The following EHMT1 variants were observed in gnomAD, a reference collection of about 807,000 sequenced individuals.
The protein encoded by EHMT1 is histone-lysine N-methyltransferase EHMT1.
In EHMT1, 15 loss-of-function variants were observed where a neutral mutation model predicts 147.2. The observed-to-expected ratio is 0.10, with a 90% confidence interval of 0.07 to 0.16. The LOEUF (loss-of-function observed/expected upper bound fraction) is 0.16, where lower values mean the gene tolerates loss of function less well. Ranked by LOEUF, EHMT1 falls within the 10% of genes least tolerant of loss-of-function variation. The probability of loss-of-function intolerance (pLI) is 1.00; values close to 1 mark genes in which losing one functional copy is unlikely to be tolerated. For synonymous variants in EHMT1, 795 were observed against 709.6 expected, an observed-to-expected ratio of 1.12 and a Z score of -1.91; for missense variants, 1,587 against 1,772.4, an observed-to-expected ratio of 0.90 and a Z score of 1.88.
intron 3 of EHMT1, among the ~76,000 whole-genome samples, chr9:137,724,869 GGGCAGACGTGT>G (rs1946434678): frequency 6.7e-6 from 1 of 148,684 alleles, no homozygotes; most frequent in South Asian, 2.1e-4. Context: ...GGCATTCGTG[GGGCAGACGTGT>G]GGCATTCGTG....
chr9:137,704,485 T>C (rs566747474), intron 1 of EHMT1, among the ~76,000 whole-genome samples: 1 of 152,304 alleles, frequency 6.6e-6, no homozygotes, highest in South Asian at 2.1e-4. Flanking sequence ...TTTTTAATGG[T>C]ATTTAAGAAG....
intron 1 of EHMT1, among the ~76,000 whole-genome samples, chr9:137,636,858 A>C (rs187767408): frequency 6.6e-6 from 1 of 150,846 alleles, no homozygotes; most frequent in African/African-American, 2.4e-5. Flanking sequence ...ACCTCTTTTT[A>C]AAAAAAATTT....
rs1302317350 is a variant in EHMT1 at position 137,834,808 on chromosome 9, G to T, written c.3752G>T (p.Gly1251Val). ...GGAGAGCGCTTCTGGGACATCAAAGGCAAGCTCTTCAGCTGCCGCTGCGGC... is the reference window on the plus strand; with the variant it reads ...GGAGAGCGCTTCTGGGACATCAAAGTCAAGCTCTTCAGCTGCCGCTGCGGC... ...DYGERFWDIKGKLFSCRCGSP... is the reference protein window; with the variant it reads ...DYGERFWDIKVKLFSCRCGSP... Residue 1251 changes from glycine to valine, a missense_variant, in exon 27 of 27, where the codon GGC becomes GTC. Physicochemically the swap from Gly to Val is moderately radical, Grantham distance 109 (BLOSUM62 -3). Around this residue, in one of 7 missense-constraint regions of EHMT1, gnomAD observed 141 missense variants for 150.8 expected, o/e 0.94. Transcript: ENST00000460843. 5.0e-6 allele frequency: 8 copies of T among 1,612,780 alleles called. No homozygotes were observed. The African/African-American group carries it at 9.3e-5, about 19-fold the overall frequency.
rs544252405 is a variant in EHMT1 at position 137,797,149 on chromosome 9, G to T, written c.2506-1664G>T. Among the ~76,000 whole-genome samples, 100 of 152,270 alleles carry T rather than the reference G, an allele frequency of 6.6e-4. 1 individual carries two copies. Among genetic ancestry groups the T allele is most frequent in the African/African-American group, 2.3e-3 (97 of 41,552 alleles). ...CAGGAAAAGAAACCAGACAGGCGCT[G>T]TGTGGGGTGTCCCTTGGGTGGGGGT... On this transcript the variant is annotated intron_variant, in intron 16 of 26. Transcript: ENST00000460843.
intron 10 of EHMT1, among the ~76,000 whole-genome samples, chr9:137,767,629 A>AGAC (rs1950299872): frequency 6.6e-6 from 1 of 152,160 alleles, no homozygotes; most frequent in Non-Finnish European, 1.5e-5. Context: ...CCCGGCCAAC[A>AGAC]TGGGGAAATC....
intron 3 of EHMT1, among the ~76,000 whole-genome samples, chr9:137,720,872 C>G (rs895375848): frequency 6.6e-6 from 1 of 152,104 alleles, no homozygotes; most frequent in African/African-American, 2.4e-5. Context: ...GTCAAACACA[C>G]AGGAGCATAA....
At chr9:137,811,041 A>G (rs1459282739) in intron 18 of EHMT1, among the ~76,000 whole-genome samples, 1 of 152,066 alleles carries the variant, frequency 6.6e-6, no homozygotes, top group Non-Finnish European at 1.5e-5. Context: ...CCTTTTTTCA[A>G]ATCTTTCAAA....
intron 1 of EHMT1, among the ~76,000 whole-genome samples, chr9:137,695,191 G>T (rs1943300889): frequency 6.6e-6 from 1 of 152,232 alleles, no homozygotes; most frequent in Non-Finnish European, 1.5e-5. Flanking sequence ...TGTTTCTTCT[G>T]TAAGGAGCAC....
chr9:137,660,249 T>G (rs565789619), intron 1 of EHMT1, among the ~76,000 whole-genome samples: 5 of 151,924 alleles, frequency 3.3e-5, no homozygotes, highest in Admixed American at 6.6e-5. Context: ...GGAGGATGAC[T>G]TGAGCCTGGG....
chr9:137,631,544 G>A (rs1321871300), intron 1 of EHMT1, among the ~76,000 whole-genome samples: 1 of 152,056 alleles, frequency 6.6e-6, no homozygotes, highest in African/African-American at 2.4e-5. Context: ...GGACATTTTG[G>A]TCCGTGGCAG....
At chr9:137,631,264 C>T (rs949002106) in intron 1 of EHMT1, among the ~76,000 whole-genome samples, 3 of 151,790 alleles carry the variant, frequency 2.0e-5, no homozygotes, top group Non-Finnish European at 2.9e-5. Flanking sequence ...TGATGGCGGG[C>T]GCCTGTAATC....
At chr9:137,716,550 G>C in intron 2 of EHMT1, 76 bp from the exon 3 acceptor site, 1 of 1,414,302 alleles carries the variant, frequency 7.1e-7, no homozygotes, top group Non-Finnish European at 9.5e-7. Flanking sequence ...GTCATGGTGG[G>C]GGAGGAAGTG....
At chr9:137,667,611 G>A (rs566974147) in intron 1 of EHMT1, 1 of 152,246 alleles carries the variant, frequency 6.6e-6, no homozygotes, top group East Asian at 1.9e-4. Flanking sequence ...TTTAGAGATG[G>A]GGTGGTGGTG....
chr9:137,822,669 C>T (rs1158790208), intron 25 of EHMT1, among the ~76,000 whole-genome samples: 7 of 152,006 alleles, frequency 4.6e-5, no homozygotes, highest in South Asian at 2.1e-4. Flanking sequence ...CCGAGGCGGG[C>T]GGATCACGAG....
intron 15 of EHMT1, chr9:137,785,526 C>G (rs553745242): frequency 2.0e-5 from 3 of 151,768 alleles, no homozygotes; most frequent in African/African-American, 4.9e-5. Flanking sequence ...TCCTCCTGTG[C>G]CTGGAATTCC....
chr9:137,668,855 A>C (rs1940034949), intron 1 of EHMT1, among the ~76,000 whole-genome samples: 1 of 151,848 alleles, frequency 6.6e-6, no homozygotes, highest in South Asian at 2.1e-4. Flanking sequence ...TCATATGGTG[A>C]CTGTCTGTTT....
chr9:137,718,293 G>T (rs558008571), intron 3 of EHMT1, among the ~76,000 whole-genome samples: 1 of 152,368 alleles, frequency 6.6e-6, no homozygotes, highest in East Asian at 1.9e-4. Flanking sequence ...CACGATACAG[G>T]TTTTCAAAGT....
chr9:137,764,374 T>C (rs1950076982), intron 10 of EHMT1: 1 of 152,266 alleles, frequency 6.6e-6, no homozygotes, highest in African/African-American at 2.4e-5. Flanking sequence ...CGCTGCATGT[T>C]CTGCCACACT....
intron 3 of EHMT1, among the ~76,000 whole-genome samples, chr9:137,726,299 CA>C (rs1466079219): frequency 1.3e-5 from 2 of 152,222 alleles, no homozygotes; most frequent in Non-Finnish European, 2.9e-5. Flanking sequence ...CAGTCCCTGG[CA>C]ATACCATTCT....
Sources: gnomAD v4.1 joint callset for allele counts (sites outside exome capture counted in the v4.1 genomes callset) on GRCh38, gnomAD v4.1.1 for gene constraint, gnomAD v4.1.1 regional missense constraint, MANE v1.5 for transcripts, NCBI Gene and HGNC (gene_info 2026-07-23, HGNC 2026-07-21) for gene names.